The following DYNC2I2 variants were observed in gnomAD, a reference collection of about 807,000 sequenced individuals.
The protein encoded by DYNC2I2 is dynein 2 intermediate chain 2, also known as cytoplasmic dynein 2 intermediate chain 2.
In DYNC2I2, 39 loss-of-function variants were observed where a neutral mutation model predicts 52.0. That is an observed-to-expected ratio of 0.75 (90% CI 0.58 to 0.98). The LOEUF is 0.98. DYNC2I2 is among the 50% of genes least tolerant of loss of function. DYNC2I2 has a pLI of 0.00. For missense variants in DYNC2I2, 743 were observed against 728.4 expected, an observed-to-expected ratio of 1.02 and a Z score of -0.23; for synonymous variants, 359 against 321.1, an observed-to-expected ratio of 1.12 and a Z score of -1.26.
chr9:128,647,640 C>G (rs1454184797), intron 1 of DYNC2I2, among the ~76,000 whole-genome samples: 3 of 147,590 alleles, frequency 2.0e-5, no homozygotes, highest in Non-Finnish European at 4.4e-5. Flanking sequence ...GAGGCTGAGA[C>G]AGAATTGCTT....
Position 128,635,034 on chromosome 9 carries a change from C to T in DYNC2I2, c.981+58G>A, listed in dbSNP as rs574241129. 3,333 of 1,584,700 alleles carry T rather than the reference C, an allele frequency of 2.1e-3. 6 individuals carry two copies. The highest frequency in any genetic ancestry group is 3.2e-3 in the Middle Eastern group (15 of 4,686). On this transcript the variant is annotated intron_variant, in intron 6 of 8. Coordinates refer to ENST00000372715, the MANE Select transcript of DYNC2I2 (RefSeq NM_052844.4). ...CAGCAAGTCAGGCCCACTGCCACAC[C>T]TTCCCACCCCCAAGGCTCACCGGCG...
chr9:128,634,663 C>G, intron 7 of DYNC2I2, 26 bp downstream of exon 7: 1 of 1,502,538 alleles, frequency 6.7e-7, no homozygotes, highest in Non-Finnish European at 8.9e-7. Flanking sequence ...CCTGGCCCCA[C>G]TGTGCCCCAG....
At chr9:128,677,514 A>G in the DYNC2I2 span, among the ~76,000 whole-genome samples, 9 of 152,030 alleles carry the variant, frequency 5.9e-5, no homozygotes, top group East Asian at 1.7e-3. Context: ...CAAAATGCAC[A>G]GGCTAGGCAC....
chr9:128,684,243 C>T, the DYNC2I2 span, among the ~76,000 whole-genome samples: 1 of 152,060 alleles, frequency 6.6e-6, no homozygotes, highest in Non-Finnish European at 1.5e-5. Context: ...GAGCTTGTCT[C>T]CCCAGCCCCC....
chr9:128,681,011 GTA>G, the DYNC2I2 span, among the ~76,000 whole-genome samples: 2 of 152,022 alleles, frequency 1.3e-5, no homozygotes, highest in Non-Finnish European at 2.9e-5. Context: ...ATCACATGGT[GTA>G]TACTATTTTG....
chr9:128,635,468 G>C (rs1206272081), intron 5 of DYNC2I2, 190 bp downstream of exon 5: 3 of 798,900 alleles, frequency 3.8e-6, no homozygotes, highest in African/African-American at 1.7e-5. Context: ...GGTGCCTGCA[G>C]AGGAGGCTGG....
intron 1 of DYNC2I2, chr9:128,651,254 G>T: frequency 1.7e-5 from 1 of 58,858 alleles, no homozygotes; most frequent in East Asian, 2.7e-4. Flanking sequence ...CAGAAGGGCC[G>T]GGGGTAGTAG....
At chr9:128,644,597 A>G (rs927586139) in intron 1 of DYNC2I2, among the ~76,000 whole-genome samples, 2 of 152,040 alleles carry the variant, frequency 1.3e-5, no homozygotes, top group African/African-American at 4.8e-5. Context: ...TTGCCACTAG[A>G]TTGTCTGACC....
chr9:128,666,303 A>G, the DYNC2I2 span, among the ~76,000 whole-genome samples: 1 of 149,118 alleles, frequency 6.7e-6, no homozygotes, highest in Admixed American at 6.8e-5. Flanking sequence ...AATTGCTTGA[A>G]CCTGGGAGGT....
Position 128,635,031 on chromosome 9 carries a change from C to T in DYNC2I2, c.981+61G>A, listed in dbSNP as rs1210605697. On this transcript the variant is annotated intron_variant, in intron 6 of 8. Coordinates refer to ENST00000372715, the MANE Select transcript of DYNC2I2 (RefSeq NM_052844.4). ...TCACAGCAAGTCAGGCCCACTGCCA[C>T]ACCTTCCCACCCCCAAGGCTCACCG... 3 of 1,584,240 alleles carry T rather than the reference C, an allele frequency of 1.9e-6. No homozygotes were observed. In the East Asian group the frequency reaches 6.7e-5, roughly 36 times the overall value.
chr9:128,683,649 C>T, the DYNC2I2 span: 4 of 428,002 alleles, frequency 9.3e-6, no homozygotes, highest in Non-Finnish European at 1.7e-5. Flanking sequence ...TCCCCCAAAG[C>T]CAAGAGTGCC....
chr9:128,683,961 G>A, the DYNC2I2 span: 2 of 1,557,166 alleles, frequency 1.3e-6, no homozygotes, highest in South Asian at 2.4e-5. Flanking sequence ...CTCCTGCTCT[G>A]GGACCGGAGG....
At chr9:128,678,146 C>T in the DYNC2I2 span, among the ~76,000 whole-genome samples, 2 of 149,646 alleles carry the variant, frequency 1.3e-5, no homozygotes, top group African/African-American at 2.5e-5. Context: ...CTTGGCTCAC[C>T]GCAACCTCTG....
intron 1 of DYNC2I2, among the ~76,000 whole-genome samples, chr9:128,643,122 C>T (rs1388101181): frequency 2.0e-5 from 3 of 152,164 alleles, no homozygotes; most frequent in Non-Finnish European, 2.9e-5. Context: ...CCGTGGCTCA[C>T]GCCTGTGATT....
chr9:128,655,107 G>A (rs537636617), intron 1 of DYNC2I2, among the ~76,000 whole-genome samples: 2 of 151,992 alleles, frequency 1.3e-5, no homozygotes, highest in Admixed American at 6.6e-5. Context: ...CCTTGAGCAC[G>A]CAGCATCTCA....
Position 128,635,219 on chromosome 9 carries a change from T to A in DYNC2I2, c.854A>T (p.Gln285Leu). The change falls in exon 6 of 9, where the codon CAG becomes CTG. Residue 285 changes from glutamine to leucine, a missense_variant. Gln to Leu is a moderately radical substitution (Grantham distance 113). Coordinates refer to ENST00000372715, the MANE Select transcript of DYNC2I2 (RefSeq NM_052844.4). ...CCCGTCGGTGGCCACACTCAGCACC[T>A]GGAAGCGGTGGCTGTGCCCAGGCTC... is the stretch of plus-strand genomic sequence containing the variant. ...LPEPGHSHRF[Q>L]VLSVATDGKV... is the part of the protein sequence containing the mutation. The A allele has an allele frequency of 6.2e-7, 1 of 1,612,962 alleles. No individual in the cohort carries two copies. Among genetic ancestry groups the A allele is most frequent in the Non-Finnish European group, 8.5e-7 (1 of 1,179,898 alleles).
At chr9:128,635,335 C>A in intron 5 of DYNC2I2, 76 bp from the exon 6 acceptor site, 8 of 1,497,830 alleles carry the variant, frequency 5.3e-6, no homozygotes, top group Non-Finnish European at 7.1e-6. Flanking sequence ...CCCTACCCTC[C>A]CTCTCTTCCA....
chr9:128,673,492 C>A, the DYNC2I2 span, among the ~76,000 whole-genome samples: 5 of 151,650 alleles, frequency 3.3e-5, no homozygotes, highest in Admixed American at 3.3e-4. Context: ...CAGGCACAGA[C>A]CACCTCACTG....
intron 1 of DYNC2I2, among the ~76,000 whole-genome samples, chr9:128,647,760 G>A (rs10988067): frequency 0.027 from 4,085 of 151,094 alleles, 76 homozygotes; most frequent in Non-Finnish European, 0.04. Context: ...AAGCGTTCAG[G>A]GGAATACAAA....
Sources: allele counts gnomAD v4.1 joint callset (sites outside exome capture counted in the v4.1 genomes callset), GRCh38; gene constraint gnomAD v4.1.1; transcripts MANE v1.5; gene names NCBI Gene and HGNC (gene_info 2026-07-23, HGNC 2026-07-21).